ANKRD44: variants seen among roughly 807,000 people sequenced by gnomAD.
The protein encoded by ANKRD44 is serine/threonine-protein phosphatase 6 regulatory ankyrin repeat subunit B.
Under a neutral mutation model 116.0 loss-of-function variants are expected in ANKRD44, and 35 were observed. The observed-to-expected ratio is 0.30, with a 90% confidence interval of 0.23 to 0.40. The LOEUF is 0.40. Ranked by LOEUF, ANKRD44 falls within the 10% of genes least tolerant of loss-of-function variation. The pLI is 1.00. For synonymous variants in ANKRD44, 435 were observed against 461.8 expected (o/e 0.94, Z 0.74); for missense variants, 1,014 against 1,242.6 (o/e 0.82, Z 2.77).
intron 10 of ANKRD44, among the ~76,000 whole-genome samples, chr2:197,092,675 A>G (rs1464784505): frequency 6.6e-6 from 1 of 152,160 alleles, no homozygotes; most frequent in African/African-American, 2.4e-5. Context: ...CATCATGTGG[A>G]GGAGAACTGC....
chr2:197,115,894 A>C (rs2078696246), intron 8 of ANKRD44, among the ~76,000 whole-genome samples: 1 of 152,214 alleles, frequency 6.6e-6, no homozygotes, highest in Non-Finnish European at 1.5e-5. Context: ...GGATACAGAC[A>C]GAATAGATGA....
In ANKRD44 at chr2:197,025,341, G is replaced by T. The variant is rs1474161356; in HGVS notation, c.1651-74C>A. ...AATGTTGGTGTAAATGAGAAAAGAG[G>T]TTTCAGAAACTTGAGAAGTTATGCA... On this transcript the variant is annotated intron_variant, in intron 16 of 27. Coordinates refer to ENST00000282272, the MANE Select transcript of ANKRD44 (RefSeq NM_001195144.2). 7 of 1,234,204 alleles carry T rather than the reference G, an allele frequency of 5.7e-6. No homozygotes were observed. The East Asian group carries it at 9.5e-5, about 17-fold the overall frequency. The allele number at this position is 1,234,204 out of a possible 1,614,324, so 76.5% of individuals were successfully genotyped here.
At chr2:197,278,015 C>T (rs1478200118) in intron 1 of ANKRD44, among the ~76,000 whole-genome samples, 1 of 152,134 alleles carries the variant, frequency 6.6e-6, no homozygotes, top group Non-Finnish European at 1.5e-5. Flanking sequence ...GTTCTAGTAA[C>T]AGCGTAAAGC....
rs750752341 is a variant in ANKRD44 at position 197,301,645 on chromosome 2, CTTTG to C, written c.27+8929_27+8932del. On this transcript the variant is annotated intron_variant, in intron 1 of 27. Transcript: ENST00000282272. ...CTGTTTATAGAAGTGTTTCTCTTTT[CTTTG>C]TTTGAGTACTTCATGAGTAAAAAAC... Among the ~76,000 whole-genome samples the C allele has an allele frequency of 2.2e-4, 34 of 152,270 alleles. No homozygotes were observed. In the Middle Eastern group the frequency reaches 0.017, roughly 76 times the overall value.
intron 16 of ANKRD44, among the ~76,000 whole-genome samples, chr2:197,070,725 T>C (rs1481740323): frequency 6.6e-6 from 1 of 152,154 alleles, no homozygotes; most frequent in East Asian, 1.9e-4. Context: ...TGTGTGTCTT[T>C]GGTACTTAAT....
intron 16 of ANKRD44, among the ~76,000 whole-genome samples, chr2:197,065,659 A>G (rs2077416113): frequency 6.6e-6 from 1 of 152,232 alleles, no homozygotes; most frequent in Non-Finnish European, 1.5e-5. Flanking sequence ...TCATCAGAGA[A>G]CACTATAAAC....
At chr2:197,217,019 A>T (rs2081462957) in intron 1 of ANKRD44, among the ~76,000 whole-genome samples, 1 of 152,120 alleles carries the variant, frequency 6.6e-6, no homozygotes. Flanking sequence ...TCCCAGACAA[A>T]ATCACCAGCA....
intron 20 of ANKRD44, among the ~76,000 whole-genome samples, chr2:197,007,209 A>T (rs2076216987): frequency 6.6e-6 from 1 of 152,224 alleles, no homozygotes; most frequent in South Asian, 2.1e-4. Flanking sequence ...TAACTACTGA[A>T]AACCAGGTAA....
At chr2:197,114,446 C>A (rs1377067809) in intron 8 of ANKRD44, among the ~76,000 whole-genome samples, 1 of 152,174 alleles carries the variant, frequency 6.6e-6, no homozygotes, top group Non-Finnish European at 1.5e-5. Flanking sequence ...AAAATATTTA[C>A]AACAAATATT....
intron 16 of ANKRD44, among the ~76,000 whole-genome samples, chr2:197,055,704 T>A (rs1217630414): frequency 6.6e-6 from 1 of 152,226 alleles, no homozygotes; most frequent in Non-Finnish European, 1.5e-5. Flanking sequence ...TCTACTGAAC[T>A]ACTATGCACC....
chr2:197,249,050 G>T (rs1392268574), intron 1 of ANKRD44, among the ~76,000 whole-genome samples: 1 of 152,114 alleles, frequency 6.6e-6, no homozygotes, highest in African/African-American at 2.4e-5. Flanking sequence ...ATGGGAAGAT[G>T]GCTTGAGGCC....
chr2:197,005,353 G>A lies in ANKRD44; in HGVS notation c.2347+341C>T, dbSNP rs540769574. Among the ~76,000 whole-genome samples, 66 of 152,208 alleles carry A rather than the reference G, an allele frequency of 4.3e-4. 1 individual carries two copies. The highest frequency in any genetic ancestry group is 3.9e-3 in the Admixed American group (60 of 15,290). ...AATTATATACATATATTTGGTATTA[G>A]TTTTATTATTTTAATCCCTTGTGGG... On this transcript the variant is annotated intron_variant, in intron 21 of 27. Transcript: ENST00000282272.
At chr2:197,113,939 G>C (rs1237745036) in intron 8 of ANKRD44, among the ~76,000 whole-genome samples, 1 of 152,188 alleles carries the variant, frequency 6.6e-6, no homozygotes, top group African/African-American at 2.4e-5. Flanking sequence ...AAAGCATTAA[G>C]AGTATCATGG....
chr2:197,303,199 A>G (rs1287732905), intron 1 of ANKRD44, among the ~76,000 whole-genome samples: 1 of 152,268 alleles, frequency 6.6e-6, no homozygotes, highest in African/African-American at 2.4e-5. Flanking sequence ...AGAAAATCAG[A>G]AGTTCATAAA....
chr2:197,259,745 G>A (rs2082546752), intron 1 of ANKRD44, among the ~76,000 whole-genome samples: 1 of 152,214 alleles, frequency 6.6e-6, no homozygotes, highest in South Asian at 2.1e-4. Flanking sequence ...ACTTGCTGTA[G>A]AGGGAGCCTG....
chr2:197,194,076 T>C (rs969113485), intron 1 of ANKRD44, among the ~76,000 whole-genome samples: 1 of 152,128 alleles, frequency 6.6e-6, no homozygotes, highest in African/African-American at 2.4e-5. Context: ...TCTTGAAAGA[T>C]TTCCTAAAAT....
chr2:197,159,344 A>T (rs1308531344), intron 2 of ANKRD44, among the ~76,000 whole-genome samples: 2 of 152,236 alleles, frequency 1.3e-5, no homozygotes, highest in Admixed American at 1.3e-4. Flanking sequence ...TCAGCACAAG[A>T]CACTAAGATG....
Position 197,201,976 on chromosome 2 carries a change from T to C in ANKRD44, c.28-14870A>G, listed in dbSNP as rs1004102924. On this transcript the variant is annotated intron_variant, in intron 1 of 27. Coordinates refer to ENST00000282272, the MANE Select transcript of ANKRD44 (RefSeq NM_001195144.2). The surrounding 1 kb of genome is among the most constrained non-coding windows in gnomAD (Gnocchi z 4.0). ...CATTCCAAGGGTTTAAAATGCACAATACAATCATAGTTCTTTTGAGATCAT... is the reference window on the plus strand; with the variant it reads ...CATTCCAAGGGTTTAAAATGCACAACACAATCATAGTTCTTTTGAGATCAT... 4.6e-5 allele frequency among the ~76,000 whole-genome samples: 7 copies of C among 152,200 alleles called. No individual in the cohort carries two copies. Among genetic ancestry groups the C allele is most frequent in the Non-Finnish European group, 1.0e-4 (7 of 68,044 alleles).
intron 1 of ANKRD44, among the ~76,000 whole-genome samples, chr2:197,300,758 CTTTTTTTTTT>C: frequency 8.1e-6 from 1 of 122,722 alleles, no homozygotes; most frequent in South Asian, 2.5e-4. Context: ...TTTCATTTTC[CTTTTTTTTTT>C]TTTTTTTTTT....
Sources: allele counts gnomAD v4.1 joint callset (sites outside exome capture counted in the v4.1 genomes callset), GRCh38; gene constraint gnomAD v4.1.1; non-coding constraint Gnocchi (gnomAD v3.1); transcripts MANE v1.5; gene names NCBI Gene and HGNC (gene_info 2026-07-23, HGNC 2026-07-21).